Variants in DLGAP4 observed in about 807,000 individuals in gnomAD.
The protein encoded by DLGAP4 is disks large-associated protein 4.
A neutral mutation model predicts 86.9 loss-of-function variants in DLGAP4; 18 were observed. That is an observed-to-expected ratio of 0.21 (90% CI 0.14 to 0.31). The LOEUF is 0.31. DLGAP4 is among the 10% of genes least tolerant of loss of function. The pLI is 1.00. For missense variants in DLGAP4, 1,085 were observed against 1,362.6 expected (o/e 0.80, Z 3.21); for synonymous variants, 548 against 574.3 (o/e 0.95, Z 0.65).
In DLGAP4 at chr20:36,445,332, C is replaced by T. The variant is rs534282393; in HGVS notation, c.1408-1365C>T. Among the ~76,000 whole-genome samples, 7 of 152,104 alleles carry T rather than the reference C, an allele frequency of 4.6e-5. No individual in the cohort carries two copies. The South Asian group carries it at 1.0e-3, about 23-fold the overall frequency. ...CAGCCTAGCCAATATGGTGAAACCC[C>T]GTCTCTACTAAAAATACAAAAATTA... is the stretch of plus-strand genomic sequence containing the variant. On this transcript the variant is annotated intron_variant, in intron 6 of 12. Transcript: ENST00000339266.
intron 1 of DLGAP4, among the ~76,000 whole-genome samples, chr20:36,320,132 CT>C (rs2065152511): frequency 8.2e-6 from 1 of 122,148 alleles, no homozygotes; most frequent in Non-Finnish European, 1.7e-5. Context: ...CCCTCTGTGT[CT>C]TCCTCTCCCA....
At chr20:36,499,167 T>G in intron 8 of DLGAP4, 25 of 1,409,864 alleles carry the variant, frequency 1.8e-5, no homozygotes. Context: ...ATAACGGCTG[T>G]GGCTTTGTGT....
intron 7 of DLGAP4, among the ~76,000 whole-genome samples, chr20:36,490,577 C>A (rs1426891091): frequency 6.6e-6 from 1 of 152,208 alleles, no homozygotes; most frequent in Non-Finnish European, 1.5e-5. Context: ...TCAGCTTCAT[C>A]CATTCATGGG....
chr20:36,453,953 A>G (rs562724500), intron 7 of DLGAP4, among the ~76,000 whole-genome samples: 96 of 148,098 alleles, frequency 6.5e-4, no homozygotes, highest in South Asian at 2.3e-3. Flanking sequence ...AAAAAAAAAA[A>G]AAAGAAAGAA....
intron 7 of DLGAP4, among the ~76,000 whole-genome samples, chr20:36,458,702 TAAAA>T (rs766092488): frequency 6.6e-6 from 1 of 150,660 alleles, no homozygotes; most frequent in South Asian, 2.1e-4. Flanking sequence ...CGTCTCAAAA[TAAAA>T]AAAAGAAAAG....
chr20:36,328,638 G>T, intron 1 of DLGAP4, among the ~76,000 whole-genome samples: 1 of 151,880 alleles, frequency 6.6e-6, no homozygotes, highest in African/African-American at 2.4e-5. Flanking sequence ...TTGTTTTTTT[G>T]TTTTTTTGAG....
intron 10 of DLGAP4, among the ~76,000 whole-genome samples, chr20:36,504,007 G>GT (rs1005442361): frequency 1.5e-4 from 23 of 152,146 alleles, no homozygotes; most frequent in African/African-American, 5.6e-4. Flanking sequence ...TCATGTACAA[G>GT]TTTTTTATGG....
chr20:36,438,904 C>T (rs2033367183), intron 4 of DLGAP4, among the ~76,000 whole-genome samples: 1 of 151,986 alleles, frequency 6.6e-6, no homozygotes, highest in East Asian at 1.9e-4. Context: ...CAGGCGTGAG[C>T]CACCGCACCT....
intron 10 of DLGAP4, among the ~76,000 whole-genome samples, chr20:36,502,605 G>C (rs999729157): frequency 1.2e-4 from 18 of 152,114 alleles, no homozygotes; most frequent in African/African-American, 4.1e-4. Context: ...TCTTGGGTTG[G>C]CCTCCCAAAG....
intron 3 of DLGAP4, among the ~76,000 whole-genome samples, chr20:36,435,082 G>T (rs1404361431): frequency 1.3e-5 from 2 of 152,084 alleles, no homozygotes; most frequent in African/African-American, 4.8e-5. Flanking sequence ...TACTTGTGGG[G>T]GGGGGTTGCT....
intron 7 of DLGAP4, among the ~76,000 whole-genome samples, chr20:36,485,489 C>T (rs557025974): frequency 5.5e-4 from 83 of 152,266 alleles, no homozygotes; most frequent in African/African-American, 1.8e-3. Context: ...GGTTGATGCC[C>T]TGTGCACATT....
chr20:36,432,392 T>C lies in DLGAP4; in HGVS notation c.675T>C (p.Ser225=), dbSNP rs1165370896. ...AGAFRSSGPA[S]GLMTLGRQAE... ...CCTTCCGCAGCAGTGGCCCAGCCTC[T>C]GGGCTGATGACACTAGGCCGCCAGG... The change falls in exon 3 of 13, where the codon TCT becomes TCC. Residue 225 remains serine, a synonymous_variant. Transcript: ENST00000339266. This position sits in a 1 kb window ranked among gnomAD's most constrained non-coding sequence, Gnocchi z 6.5. The C allele has an allele frequency of 1.2e-6, 2 of 1,613,770 alleles. No individual in the cohort carries two copies. The highest frequency in any genetic ancestry group is 1.7e-6 in the Non-Finnish European group (2 of 1,180,038).
At chr20:36,499,804 G>A (rs1000336223) in intron 9 of DLGAP4, 128 bp downstream of exon 9, 24 of 904,350 alleles carry the variant, frequency 2.7e-5, no homozygotes, top group African/African-American at 6.6e-5. Context: ...TTTGGGTTGC[G>A]GGTGGTGGCC....
intron 2 of DLGAP4, among the ~76,000 whole-genome samples, chr20:36,371,573 A>G (rs1676668720): frequency 6.6e-6 from 1 of 152,220 alleles, no homozygotes; most frequent in Non-Finnish European, 1.5e-5. Context: ...GACAGTGCTC[A>G]TGTAACATCG....
intron 2 of DLGAP4, among the ~76,000 whole-genome samples, chr20:36,376,589 A>C (rs948299515): frequency 3.3e-5 from 5 of 152,202 alleles, no homozygotes; most frequent in Admixed American, 1.3e-4. Flanking sequence ...AGGGAGATTC[A>C]ACAAGATTTG....
At chr20:36,450,595 C>G (rs1301092940) in intron 7 of DLGAP4, among the ~76,000 whole-genome samples, 1 of 152,122 alleles carries the variant, frequency 6.6e-6, no homozygotes, top group Admixed American at 6.5e-5. Context: ...ACTTTTATTC[C>G]CAAGACCCCC....
intron 10 of DLGAP4, among the ~76,000 whole-genome samples, chr20:36,521,819 C>T (rs1026022706): frequency 6.6e-6 from 1 of 152,216 alleles, no homozygotes; most frequent in African/African-American, 2.4e-5. Flanking sequence ...TTCATCTATT[C>T]CCTGGCAACA....
At chr20:36,401,985 G>A (rs905931748) in intron 2 of DLGAP4, among the ~76,000 whole-genome samples, 2 of 152,242 alleles carry the variant, frequency 1.3e-5, no homozygotes, top group African/African-American at 4.8e-5. Context: ...TAGGAGCGGG[G>A]TGTGAGAGAA....
chr20:36,496,745 G>T lies in DLGAP4; in HGVS notation c.1689G>T (p.Pro563=), dbSNP rs764151617. Residue 563 remains proline (P), a synonymous_variant, in exon 8 of 13, where the codon CCG becomes CCT. Transcript: ENST00000339266. ...CLVAYKKTPP[P]VPPRTTSKPF... ...TGGCGTATAAGAAGACCCCGCCACCGGTCCCTCCACGCACCACTTCAAAGC... is the reference window on the plus strand; with the variant it reads ...TGGCGTATAAGAAGACCCCGCCACCTGTCCCTCCACGCACCACTTCAAAGC... 6.2e-7 allele frequency: 1 copy of T among 1,608,888 alleles called. No homozygotes were observed. The highest frequency in any genetic ancestry group is 1.1e-5 in the South Asian group (1 of 91,042).
Sources: gnomAD v4.1 joint callset for allele counts (sites outside exome capture counted in the v4.1 genomes callset) on GRCh38, gnomAD v4.1.1 for gene constraint, Gnocchi (gnomAD v3.1) non-coding constraint, MANE v1.5 for transcripts, NCBI Gene and HGNC (gene_info 2026-07-23, HGNC 2026-07-21) for gene names.